RSRC1: variants seen among roughly 807,000 people sequenced by gnomAD.
RSRC1 encodes the protein arginine and serine rich coiled-coil 1.
In RSRC1, 39 loss-of-function variants were observed where a neutral mutation model predicts 49.1. That is an observed-to-expected ratio of 0.79 (90% CI 0.61 to 1.04). The LOEUF (loss-of-function observed/expected upper bound fraction) is 1.04. RSRC1 is among the 50% of genes least tolerant of loss of function. The pLI, the probability that RSRC1 is intolerant of heterozygous loss-of-function variation, is 0.00. For missense variants in RSRC1, 388 were observed against 402.4 expected (o/e 0.96, Z 0.31); for synonymous variants, 143 against 130.8 (o/e 1.09, Z -0.63).
At chr3:158,478,392 G>C (rs1738474031) in intron 7 of RSRC1, among the ~76,000 whole-genome samples, 1 of 151,818 alleles carries the variant, frequency 6.6e-6, no homozygotes, top group South Asian at 2.1e-4. Flanking sequence ...TGTAGAGATA[G>C]TAGAGAGTAA....
chr3:158,446,925 A>G (rs1736752476), intron 6 of RSRC1, among the ~76,000 whole-genome samples: 1 of 152,060 alleles, frequency 6.6e-6, no homozygotes, highest in African/African-American at 2.4e-5. Flanking sequence ...AGATTGCTCC[A>G]AAACCAGGTC....
At chr3:158,197,200 G>A (rs887549338) in intron 3 of RSRC1, among the ~76,000 whole-genome samples, 5 of 152,034 alleles carry the variant, frequency 3.3e-5, no homozygotes, top group South Asian at 2.1e-4. Context: ...GTCTATTCAG[G>A]GATTCAACTT....
intron 4 of RSRC1, chr3:158,276,066 G>C (rs1475086694): frequency 4.6e-6 from 4 of 866,870 alleles, no homozygotes; most frequent in Non-Finnish European, 7.8e-6. Flanking sequence ...CACCAACCCA[G>C]TAAGAATTCA....
At chr3:158,323,364 T>G (rs1039678588) in intron 5 of RSRC1, among the ~76,000 whole-genome samples, 5 of 152,106 alleles carry the variant, frequency 3.3e-5, no homozygotes, top group African/African-American at 1.2e-4. Context: ...GTCGAATACG[T>G]CAGGGCAGGA....
chr3:158,404,161 A>G (rs1245807212), intron 6 of RSRC1, among the ~76,000 whole-genome samples: 1 of 151,894 alleles, frequency 6.6e-6, no homozygotes, highest in Non-Finnish European at 1.5e-5. Context: ...ATTGGTAGTC[A>G]GAATTTCATA....
chr3:158,129,037 G>A (rs1027414941), intron 3 of RSRC1, among the ~76,000 whole-genome samples: 9 of 152,062 alleles, frequency 5.9e-5, no homozygotes, highest in Admixed American at 1.3e-4. Context: ...GCCAGGTTTC[G>A]CCTGTGAAGT....
At chr3:158,120,380 A>AT (rs541353647) in intron 1 of RSRC1, among the ~76,000 whole-genome samples, 200 of 151,736 alleles carry the variant, frequency 1.3e-3, no homozygotes, top group African/African-American at 4.5e-3. Context: ...GTCCTAAGAG[A>AT]TTTTTTCAAC....
At chr3:158,410,610 A>G (rs1352673590) in intron 6 of RSRC1, among the ~76,000 whole-genome samples, 2 of 152,182 alleles carry the variant, frequency 1.3e-5, no homozygotes, top group African/African-American at 4.8e-5. Context: ...AGTTCCTAGC[A>G]TATAGAAGGT....
intron 5 of RSRC1, chr3:158,302,559 CTTT>C (rs567353016): frequency 3.7e-5 from 4 of 108,334 alleles, no homozygotes; most frequent in Non-Finnish European, 3.6e-5. Context: ...TTGCTCCTGA[CTTT>C]TTTTTTTTTT....
intron 5 of RSRC1, among the ~76,000 whole-genome samples, chr3:158,314,749 G>A (rs1297035688): frequency 6.6e-6 from 1 of 152,158 alleles, no homozygotes; most frequent in East Asian, 1.9e-4. Context: ...AGATATACAG[G>A]ATGGTAACAA....
In RSRC1 at chr3:158,233,922, A is replaced by G. The variant is rs76371189; in HGVS notation, c.494+30677A>G. On this transcript the variant is annotated intron_variant, in intron 4 of 9. Transcript: ENST00000611884. The stretch of plus-strand genomic sequence containing the variant: ...TGAATAACAATTGTTTGTTGATCTT[A>G]TTCTCTATCTCCCTGGATAACCTGC... Among the ~76,000 whole-genome samples the G allele has an allele frequency of 6.6e-5, 10 of 152,228 alleles. No homozygotes were observed. The East Asian group carries it at 1.9e-3, about 29-fold the overall frequency.
intron 4 of RSRC1, among the ~76,000 whole-genome samples, chr3:158,291,798 T>G (rs1342788908): frequency 6.6e-6 from 1 of 152,242 alleles, no homozygotes; most frequent in Non-Finnish European, 1.5e-5. Context: ...ATTGATACTG[T>G]TCTTCTGTTT....
intron 6 of RSRC1, among the ~76,000 whole-genome samples, chr3:158,423,714 G>A (rs1056365023): frequency 2.6e-5 from 4 of 152,158 alleles, no homozygotes. Flanking sequence ...AATGAGCATG[G>A]AATGTTCTTT....
chr3:158,427,509 A>G (rs533656202), intron 6 of RSRC1, among the ~76,000 whole-genome samples: 17 of 151,958 alleles, frequency 1.1e-4, no homozygotes, highest in Admixed American at 5.9e-4. Flanking sequence ...AAAAAACCTT[A>G]AGTATAATAA....
chr3:158,222,392 A>C (rs1189597112), intron 4 of RSRC1, among the ~76,000 whole-genome samples: 2 of 151,504 alleles, frequency 1.3e-5, no homozygotes, highest in Non-Finnish European at 3.0e-5. Flanking sequence ...AATTGCTGAG[A>C]GTAGATATTA....
intron 3 of RSRC1, among the ~76,000 whole-genome samples, chr3:158,170,497 T>G (rs1400365974): frequency 2.0e-5 from 3 of 152,166 alleles, no homozygotes; most frequent in Admixed American, 2.0e-4. Context: ...TAATTACAAC[T>G]AAAAATGCTG....
intron 7 of RSRC1, chr3:158,496,826 G>T: frequency 4.7e-6 from 1 of 213,956 alleles, no homozygotes; most frequent in South Asian, 8.1e-5. Flanking sequence ...CTCAGAGAGG[G>T]AAAACCCTAT....
chr3:158,471,018 A>C (rs905625473), intron 7 of RSRC1, among the ~76,000 whole-genome samples: 1 of 152,196 alleles, frequency 6.6e-6, no homozygotes, highest in African/African-American at 2.4e-5. Context: ...GATTTGGACA[A>C]TGTTGGACTA....
intron 5 of RSRC1, among the ~76,000 whole-genome samples, chr3:158,338,471 T>G (rs1357832337): frequency 6.6e-6 from 1 of 152,142 alleles, no homozygotes. Flanking sequence ...GCTAGAAATA[T>G]GATAAGCTGT....
Sources: gnomAD v4.1 joint callset for allele counts (sites outside exome capture counted in the v4.1 genomes callset) on GRCh38, gnomAD v4.1.1 for gene constraint, MANE v1.5 for transcripts, NCBI Gene and HGNC (gene_info 2026-07-23, HGNC 2026-07-21) for gene names.